The following TMEM163 variants were observed in gnomAD, a reference collection of about 807,000 sequenced individuals.
TMEM163 encodes the protein transmembrane protein 163.
TMEM163 carries 17 observed loss-of-function variants against 29.3 expected under a neutral mutation model. The observed-to-expected ratio is 0.58, with a 90% CI of 0.40 to 0.87. The LOEUF (loss-of-function observed/expected upper bound fraction) is 0.87, where lower values mean the gene tolerates loss of function less well. Among genes scored for constraint, TMEM163 ranks in the 40% least tolerant of loss-of-function variants. TMEM163 has a pLI of 0.00. For synonymous variants in TMEM163, 157 were observed against 160.6 expected (o/e 0.98, Z 0.17); for missense variants, 303 against 381.5 (o/e 0.79, Z 1.71).
intron 2 of TMEM163, among the ~76,000 whole-genome samples, chr2:134,606,800 T>A (rs934809190): frequency 6.6e-5 from 10 of 151,776 alleles, no homozygotes; most frequent in Admixed American, 4.6e-4. Context: ...AAGATGAGGA[T>A]TGATGGGGGC....
intron 2 of TMEM163, among the ~76,000 whole-genome samples, chr2:134,625,873 C>T (rs757838757): frequency 3.3e-5 from 5 of 152,150 alleles, no homozygotes; most frequent in Admixed American, 1.3e-4. Context: ...ACTGTGATAC[C>T]CTGTCTCCCC....
At chr2:134,463,195 A>C (rs1270194816) in intron 6 of TMEM163, among the ~76,000 whole-genome samples, 1 of 152,194 alleles carries the variant, frequency 6.6e-6, no homozygotes, top group African/African-American at 2.4e-5. Flanking sequence ...CTGCATCCCT[A>C]CAGGGCTGGG....
intron 2 of TMEM163, among the ~76,000 whole-genome samples, chr2:134,680,576 A>G (rs6743238): frequency 0.055 from 8,421 of 152,294 alleles, 404 homozygotes; most frequent in African/African-American, 0.12. Flanking sequence ...CTCTAGTGTT[A>G]TATCCCCAAG....
intron 4 of TMEM163, among the ~76,000 whole-genome samples, chr2:134,540,336 G>A (rs1680638633): frequency 6.6e-6 from 1 of 152,234 alleles, no homozygotes; most frequent in Non-Finnish European, 1.5e-5. Flanking sequence ...CCCCTAGACT[G>A]CCCTGCAGTG....
intron 2 of TMEM163, among the ~76,000 whole-genome samples, chr2:134,646,039 T>C (rs1205930541): frequency 6.6e-6 from 1 of 152,142 alleles, no homozygotes; most frequent in African/African-American, 2.4e-5. Flanking sequence ...TCACTTACAG[T>C]ATCTGAGGAT....
chr2:134,498,700 C>G (rs1229357607), intron 5 of TMEM163, among the ~76,000 whole-genome samples: 3 of 152,144 alleles, frequency 2.0e-5, no homozygotes, highest in African/African-American at 4.8e-5. Context: ...GTGAAGGGGC[C>G]CATATGGAAA....
intron 5 of TMEM163, among the ~76,000 whole-genome samples, chr2:134,473,044 GAAC>G (rs1686838488): frequency 6.6e-6 from 1 of 152,032 alleles, no homozygotes; most frequent in South Asian, 2.1e-4. Context: ...AAATAAAGTA[GAAC>G]AACAGTATAC....
rs564699096 is a variant in TMEM163 at position 134,461,658 on chromosome 2, C to G, written c.668-3485G>C. Among the ~76,000 whole-genome samples the G allele has an allele frequency of 2.0e-5, 3 of 152,346 alleles. No individual in the cohort carries two copies. The South Asian group carries it at 6.2e-4, about 32-fold the overall frequency. The stretch of plus-strand genomic sequence containing the variant: ...ACCGCACAGGGTGAAGTGGGGAAGT[C>G]TGGAATTTCCCCATCATCTCCATCG... On this transcript the variant is annotated intron_variant, in intron 6 of 7. Transcript: ENST00000281924.
At chr2:134,614,411 T>C (rs2104820233) in intron 2 of TMEM163, among the ~76,000 whole-genome samples, 1 of 152,122 alleles carries the variant, frequency 6.6e-6, no homozygotes, top group Admixed American at 6.5e-5. Context: ...TTTTCTAATA[T>C]TTCTAAAATT....
intron 5 of TMEM163, among the ~76,000 whole-genome samples, chr2:134,483,761 C>CT (rs957304549): frequency 4.6e-5 from 7 of 152,268 alleles, no homozygotes; most frequent in East Asian, 1.9e-4. Flanking sequence ...GTACGACGCT[C>CT]TTTTTTTAAA....
chr2:134,496,495 G>C (rs141715848), intron 5 of TMEM163, among the ~76,000 whole-genome samples: 2 of 152,278 alleles, frequency 1.3e-5, no homozygotes, highest in Admixed American at 6.5e-5. Flanking sequence ...TCAAGAGCAG[G>C]ACACACCAGA....
At chr2:134,691,195 C>G (rs1684455928) in intron 2 of TMEM163, among the ~76,000 whole-genome samples, 2 of 152,196 alleles carry the variant, frequency 1.3e-5, no homozygotes, top group Admixed American at 1.3e-4. Flanking sequence ...ATCAAAATGC[C>G]TGGTGAGTTC....
chr2:134,674,122 A>C (rs4954160), intron 2 of TMEM163, among the ~76,000 whole-genome samples: 84,743 of 151,904 alleles, frequency 0.56, 24,963 homozygotes, highest in African/African-American at 0.69. Flanking sequence ...CATTTATGTG[A>C]ACAAACACAT....
intron 2 of TMEM163, among the ~76,000 whole-genome samples, chr2:134,563,349 A>G (rs1278444436): frequency 6.6e-6 from 1 of 152,212 alleles, no homozygotes; most frequent in African/African-American, 2.4e-5. Flanking sequence ...CAAAGTCACA[A>G]TTATTAGAGC....
At chr2:134,542,647 C>A (rs746906911) in intron 4 of TMEM163, among the ~76,000 whole-genome samples, 1 of 152,208 alleles carries the variant, frequency 6.6e-6, no homozygotes, top group Admixed American at 6.5e-5. Context: ...AAACCATCCC[C>A]CACCCAACCC....
intron 2 of TMEM163, among the ~76,000 whole-genome samples, chr2:134,621,435 T>C (rs953027933): frequency 2.0e-5 from 3 of 152,204 alleles, no homozygotes; most frequent in African/African-American, 7.2e-5. Flanking sequence ...AAAGGTTAAA[T>C]GTAAGACTTA....
At chr2:134,585,731 G>A (rs950519327) in intron 2 of TMEM163, among the ~76,000 whole-genome samples, 2 of 133,240 alleles carry the variant, frequency 1.5e-5, no homozygotes, top group Non-Finnish European at 3.1e-5. Flanking sequence ...GACAGAGCGA[G>A]ACTCCGTCTC....
At chr2:134,595,306 T>A (rs1682048295) in intron 2 of TMEM163, among the ~76,000 whole-genome samples, 1 of 152,016 alleles carries the variant, frequency 6.6e-6, no homozygotes, top group South Asian at 2.1e-4. Context: ...GATGTTCCCC[T>A]TCCTGTGTCC....
chr2:134,477,945 G>A (rs999229044), intron 5 of TMEM163, among the ~76,000 whole-genome samples: 70 of 152,338 alleles, frequency 4.6e-4, no homozygotes, highest in African/African-American at 1.6e-3. Flanking sequence ...GGCCTGGTGG[G>A]AGGTGACTTG....
Sources: allele counts gnomAD v4.1 joint callset (sites outside exome capture counted in the v4.1 genomes callset), GRCh38; gene constraint gnomAD v4.1.1; transcripts MANE v1.5; gene names NCBI Gene and HGNC (gene_info 2026-07-23, HGNC 2026-07-21).